Variants in SCAPER observed in about 807,000 individuals in gnomAD.
SCAPER encodes S phase cyclin A-associated protein in the endoplasmic reticulum.
In SCAPER, 98 loss-of-function variants were observed where a neutral mutation model predicts 182.2. That is an observed-to-expected ratio of 0.54 (90% CI 0.46 to 0.64). The LOEUF is 0.64. Ranked by LOEUF, SCAPER falls within the 30% of genes least tolerant of loss-of-function variation. The pLI is 0.00. For missense variants in SCAPER, 1,432 were observed against 1,690.0 expected, an observed-to-expected ratio of 0.85 and a Z score of 2.68; for synonymous variants, 605 against 564.6, an observed-to-expected ratio of 1.07 and a Z score of -1.01.
At chr15:76,632,825 T>G (rs920560564) in intron 21 of SCAPER, among the ~76,000 whole-genome samples, 1 of 142,666 alleles carries the variant, frequency 7.0e-6, no homozygotes, top group South Asian at 2.2e-4. Flanking sequence ...CAGGCTGGAG[T>G]GCAGTGGCAC....
At chr15:76,724,990 A>C (rs1362187902) in intron 17 of SCAPER, among the ~76,000 whole-genome samples, 1 of 152,100 alleles carries the variant, frequency 6.6e-6, no homozygotes, top group Non-Finnish European at 1.5e-5. Context: ...CCTCAGTTGG[A>C]AATGCAGAAA....
At chr15:76,651,425 C>G (rs1353349459) in intron 21 of SCAPER, among the ~76,000 whole-genome samples, 1 of 151,798 alleles carries the variant, frequency 6.6e-6, no homozygotes, top group Non-Finnish European at 1.5e-5. Context: ...TTCCTGATTG[C>G]TCTGGCTAGG....
At chr15:76,476,264 T>C (rs2050619828) in intron 24 of SCAPER, among the ~76,000 whole-genome samples, 1 of 152,226 alleles carries the variant, frequency 6.6e-6, no homozygotes, top group South Asian at 2.1e-4. Flanking sequence ...GTGTAAGAGA[T>C]AGTTGTTTGT....
chr15:76,754,021 T>A (rs1010816121), intron 14 of SCAPER, 73 bp from the exon 15 acceptor site: 8 of 1,488,000 alleles, frequency 5.4e-6, no homozygotes, highest in Admixed American at 1.9e-5. Flanking sequence ...AACAAGTAAA[T>A]GGCTTATGAA....
At chr15:76,497,799 T>C (rs2040700491) in intron 24 of SCAPER, among the ~76,000 whole-genome samples, 1 of 151,746 alleles carries the variant, frequency 6.6e-6, no homozygotes, top group African/African-American at 2.4e-5. Flanking sequence ...GAGACCAGCC[T>C]GACCAACATG....
intron 22 of SCAPER, among the ~76,000 whole-genome samples, chr15:76,615,603 G>A (rs1390139707): frequency 1.3e-5 from 2 of 151,012 alleles, no homozygotes; most frequent in East Asian, 1.9e-4. Context: ...GGCAGATCAC[G>A]AGGTCAGGAG....
At chr15:76,730,846 A>G (rs956504767) in intron 16 of SCAPER, among the ~76,000 whole-genome samples, 6 of 152,210 alleles carry the variant, frequency 3.9e-5, no homozygotes, top group Non-Finnish European at 4.4e-5. Context: ...CCAAGTGTAC[A>G]CTTGTAAACA....
At chr15:76,642,872 A>G (rs533320727) in intron 21 of SCAPER, among the ~76,000 whole-genome samples, 1 of 152,312 alleles carries the variant, frequency 6.6e-6, no homozygotes, top group Admixed American at 6.5e-5. Context: ...TTAGGGTACT[A>G]CCACTAGGGG....
chr15:76,441,281 T>C (rs1166559039), intron 25 of SCAPER, among the ~76,000 whole-genome samples: 1 of 152,152 alleles, frequency 6.6e-6, no homozygotes, highest in Non-Finnish European at 1.5e-5. Flanking sequence ...GACACTGCAA[T>C]TAATCCTAAA....
At chr15:76,731,849 TTTTCC>T (rs1267033071) in intron 16 of SCAPER, among the ~76,000 whole-genome samples, 1 of 152,188 alleles carries the variant, frequency 6.6e-6, no homozygotes, top group African/African-American at 2.4e-5. Context: ...TAGTAAACTG[TTTTCC>T]TTTAAGTTTT....
intron 17 of SCAPER, among the ~76,000 whole-genome samples, chr15:76,720,299 G>C: frequency 6.6e-6 from 1 of 151,986 alleles, no homozygotes; most frequent in South Asian, 2.1e-4. Flanking sequence ...TGGTGTATAT[G>C]TGCCACATTT....
intron 2 of SCAPER, among the ~76,000 whole-genome samples, chr15:76,873,274 A>AAAGGAAGGAAGGAAGG (rs1186656853): frequency 4.7e-5 from 5 of 105,664 alleles, no homozygotes; most frequent in East Asian, 3.0e-4. Context: ...AAAGAAAGGA[A>AAAGGAAGGAAGGAAGG]AAGGAAGGAA....
intron 9 of SCAPER, chr15:76,774,430 G>A (rs1222327435): frequency 7.8e-6 from 3 of 383,400 alleles, no homozygotes; most frequent in Admixed American, 3.6e-5. Context: ...AAATTATTGG[G>A]AAAACTAAAA....
chr15:76,380,699 G>A (rs1163618630), intron 28 of SCAPER: 1 of 151,890 alleles, frequency 6.6e-6, no homozygotes. Context: ...TGTTCCAAAG[G>A]TTCAGTGTTT....
chr15:76,534,853 T>C (rs1392266751), intron 23 of SCAPER, among the ~76,000 whole-genome samples: 12 of 152,162 alleles, frequency 7.9e-5, no homozygotes, highest in Non-Finnish European at 7.3e-5. Flanking sequence ...ATATTGCTGA[T>C]TTTTTATGTT....
At chr15:76,671,952 T>C (rs1339557100) in intron 20 of SCAPER, among the ~76,000 whole-genome samples, 2 of 152,054 alleles carry the variant, frequency 1.3e-5, no homozygotes, top group African/African-American at 4.8e-5. Flanking sequence ...CATTTGAAAG[T>C]GAGAGGGGCT....
intron 25 of SCAPER, among the ~76,000 whole-genome samples, chr15:76,453,727 T>A (rs1171725303): frequency 6.6e-6 from 1 of 152,218 alleles, no homozygotes; most frequent in African/African-American, 2.4e-5. Context: ...GAATATACTA[T>A]ACTTTGAAAT....
At chr15:76,488,397 G>A (rs955639862) in intron 24 of SCAPER, among the ~76,000 whole-genome samples, 4 of 151,840 alleles carry the variant, frequency 2.6e-5, no homozygotes, top group Admixed American at 6.6e-5. Context: ...TAACAGTACC[G>A]CTACCAATAA....
intron 2 of SCAPER, among the ~76,000 whole-genome samples, chr15:76,871,851 A>G (rs1327532506): frequency 1.3e-5 from 2 of 152,130 alleles, no homozygotes; most frequent in African/African-American, 4.8e-5. Context: ...TCAGCCTCCC[A>G]AAGTGCTAGG....
Sources: allele counts gnomAD v4.1 joint callset (sites outside exome capture counted in the v4.1 genomes callset), GRCh38; gene constraint gnomAD v4.1.1; transcripts MANE v1.5; gene names NCBI Gene and HGNC (gene_info 2026-07-23, HGNC 2026-07-21).